The following RIF1 variants were observed in gnomAD, a reference collection of about 807,000 sequenced individuals.
The protein encoded by RIF1 is telomere-associated protein RIF1.
RIF1 carries 45 observed loss-of-function variants against 247.1 expected under a neutral mutation model. The ratio of observed to expected loss-of-function variants is 0.18; its 90% CI spans 0.14 to 0.23. The LOEUF is 0.23. RIF1 is among the 10% of genes least tolerant of loss of function. The pLI, the probability that RIF1 is intolerant of heterozygous loss-of-function variation, is 1.00. For synonymous variants in RIF1, 1,087 were observed against 978.8 expected (o/e 1.11, Z -2.06); for missense variants, 2,967 against 2,862.5 (o/e 1.04, Z -0.83).
At position 151,479,722 on chromosome 2, in the gene RIF1, T is replaced by C. The variant is rs548749168; in HGVS notation, c.*4651T>C. The stretch of plus-strand genomic sequence containing the variant: ...ATATGATTCTCGAAAAGTGAGTTTT[T>C]CTTGGAATTCTGTTAAGGTGTTAGA... On this transcript the variant is annotated 3_prime_UTR_variant, in exon 36 of 36. Coordinates refer to ENST00000444746, the MANE Select transcript of RIF1 (RefSeq NM_018151.5). 5.9e-5 allele frequency: 9 copies of C among 152,324 alleles called. No homozygotes were observed. The highest frequency in any genetic ancestry group is 2.2e-4 in the African/African-American group (9 of 41,572). The allele number at this position is 152,324 out of a possible 1,614,324, so 9.4% of individuals were successfully genotyped here. A position where few individuals can be genotyped will look rare whatever the true frequency, so the allele number is the denominator to read the frequency against.
rs144292917 is a variant in RIF1, at chr2:151,463,880, A to G, written c.4360A>G (p.Ser1454Gly). The G allele has an allele frequency of 6.2e-7, 1 of 1,613,320 alleles. No homozygotes were observed. The highest frequency in any genetic ancestry group is 8.5e-7 in the Non-Finnish European group (1 of 1,179,898). ...GGAAGAAGAAAAACCTCTTCAGAAG[A>G]GTCCATTGCATATAAAAGATGATGT... ...RKEEEKPLQK[S>G]PLHIKDDVLP... The change falls in exon 30 of 36, where the codon AGT becomes GGT. Residue 1454 changes from serine to glycine, a missense_variant. This residue lies in a region of RIF1 where 2,028 missense variants were observed against 1,825.6 expected (regional missense o/e 1.11). Coordinates refer to ENST00000444746, the MANE Select transcript of RIF1 (RefSeq NM_018151.5).
At chr2:151,523,146 T>A in the RIF1 span, among the ~76,000 whole-genome samples, 1 of 152,248 alleles carries the variant, frequency 6.6e-6, no homozygotes, top group Non-Finnish European at 1.5e-5. Context: ...AAGTTCTTGT[T>A]ACATCTCATT....
downstream of RIF1, among the ~76,000 whole-genome samples, chr2:151,508,992 C>T (rs1453077962): frequency 6.6e-6 from 1 of 152,212 alleles, no homozygotes; most frequent in Non-Finnish European, 1.5e-5. Context: ...AACTTAGCTC[C>T]AGTTTTTCCC....
At chr2:151,516,873 G>T in the RIF1 span, among the ~76,000 whole-genome samples, 3 of 152,148 alleles carry the variant, frequency 2.0e-5, no homozygotes, top group South Asian at 6.2e-4. Context: ...AAATTACCCA[G>T]GTAGATGAGG....
intron 34 of RIF1, among the ~76,000 whole-genome samples, chr2:151,471,231 TTTGAGG>T (rs1697759020): frequency 6.6e-6 from 1 of 152,126 alleles, no homozygotes; most frequent in Non-Finnish European, 1.5e-5. Context: ...AAATTTCCGT[TTTGAGG>T]TTGAATAATT....
chr2:151,506,881 T>G, intron 13 of RIF1: 1 of 1,440,124 alleles, frequency 6.9e-7, no homozygotes, highest in Admixed American at 1.7e-5. Context: ...TAGGTTAGCA[T>G]TAAATGCAAA....
At chr2:151,493,504 A>C in intron 9 of RIF1, 1 of 1,128,850 alleles carries the variant, frequency 8.9e-7, no homozygotes, top group Non-Finnish European at 1.3e-6. Flanking sequence ...TCTGAAAATC[A>C]TCACTTAGCT....
At chr2:151,447,000 G>T (rs1446655258) in intron 20 of RIF1, among the ~76,000 whole-genome samples, 1 of 146,734 alleles carries the variant, frequency 6.8e-6, no homozygotes, top group Non-Finnish European at 1.5e-5. Context: ...CTGGAGTGCA[G>T]TGGCGCGATC....
At chr2:151,527,912 T>G in the RIF1 span, among the ~76,000 whole-genome samples, 1 of 152,244 alleles carries the variant, frequency 6.6e-6, no homozygotes, top group Admixed American at 6.5e-5. Context: ...AATTCGGGTT[T>G]AATTTTTACC....
chr2:151,481,750 C>T lies in RIF1; in HGVS notation c.*6679C>T, dbSNP rs372312662. 1.3e-5 allele frequency: 2 copies of T among 152,180 alleles called. No homozygotes were observed. Among genetic ancestry groups the T allele is most frequent in the South Asian group, 2.1e-4 (1 of 4,834 alleles). 9.4% of individuals were successfully genotyped at this position (152,180 alleles called of 1,614,324 possible). On this transcript the variant is annotated 3_prime_UTR_variant, in exon 36 of 36. Transcript: ENST00000444746. ...TGCTTTATACTAGGGGTCTCAAACCCCTGGGTGGCATTAGATTCTTACAGG... is the reference window on the plus strand; with the variant it reads ...TGCTTTATACTAGGGGTCTCAAACCTCTGGGTGGCATTAGATTCTTACAGG...
intron 14 of RIF1, among the ~76,000 whole-genome samples, chr2:151,439,818 T>G (rs1369469808): frequency 1.4e-5 from 2 of 147,166 alleles, no homozygotes; most frequent in African/African-American, 2.5e-5. Flanking sequence ...ACTAAAAATA[T>G]GAAAATCAGC....
At chr2:151,505,443 G>A (rs1261776514) in intron 12 of RIF1, 1 of 1,556,982 alleles carries the variant, frequency 6.4e-7, no homozygotes, top group Non-Finnish European at 8.9e-7. Context: ...GAGATGGCCA[G>A]TCACACAAAT....
chr2:151,446,786 C>T (rs978361194), intron 20 of RIF1, among the ~76,000 whole-genome samples: 2 of 152,030 alleles, frequency 1.3e-5, no homozygotes, highest in Non-Finnish European at 2.9e-5. Flanking sequence ...AGATCTTTTA[C>T]TATACTGTGT....
chr2:151,511,558 G>A (rs141925007), downstream of RIF1, among the ~76,000 whole-genome samples: 349 of 152,242 alleles, frequency 2.3e-3, 8 homozygotes, highest in East Asian at 0.045. Flanking sequence ...ACATCCCCAG[G>A]TGCCTATAAA....
rs1559002529 is a variant in RIF1, at chr2:151,458,225, G to GTT, written c.2855+262_2855+263insTT. ...GAGACAAGGAGGACAGGAAATAGAT[G>GTT]ATTTTTTTTTTTTTTTTTTTTTTTT... On this transcript the variant is annotated intron_variant, in intron 24 of 35. Transcript: ENST00000444746. 2.6e-4 allele frequency among the ~76,000 whole-genome samples: 30 copies of GTT among 115,218 alleles called. 1 individual carries two copies. Among genetic ancestry groups the GTT allele is most frequent in the African/African-American group, 8.9e-4 (30 of 33,560 alleles). 75.6% of individuals were successfully genotyped at this position (115,218 alleles called of 152,430 possible).
chr2:151,432,111 C>T (rs1185977272), intron 9 of RIF1, among the ~76,000 whole-genome samples: 2 of 152,038 alleles, frequency 1.3e-5, no homozygotes, highest in Non-Finnish European at 2.9e-5. Context: ...TGGGTCCAAG[C>T]GAGTCTCCTG....
At position 151,474,990 on chromosome 2, in the gene RIF1, G is replaced by A; in HGVS notation, c.7338G>A (p.Glu2446=). 1 of 1,613,610 alleles carries A rather than the reference G, an allele frequency of 6.2e-7. No homozygotes were observed. The highest frequency in any genetic ancestry group is 2.2e-5 in the East Asian group (1 of 44,818). Residue 2446 remains glutamate (E), a synonymous_variant, in exon 36 of 36, where the codon GAG becomes GAA. Coordinates refer to ENST00000444746, the MANE Select transcript of RIF1 (RefSeq NM_018151.5). The part of the protein sequence containing the change: ...YSGSQLFEMH[E]KLSCMANSVI... Reference sequence around the variant, plus strand: ...GAAGCCAACTATTTGAAATGCACGAGAAACTAAGTTGTATGGCAAACTCTG... The same window carrying A: ...GAAGCCAACTATTTGAAATGCACGAAAAACTAAGTTGTATGGCAAACTCTG...
chr2:151,498,577 G>GTTAT (rs1553557792), intron 10 of RIF1, among the ~76,000 whole-genome samples: 1 of 152,102 alleles, frequency 6.6e-6, no homozygotes, highest in Non-Finnish European at 1.5e-5. Flanking sequence ...AAGAAAGGTT[G>GTTAT]TTATTTTCAT....
chr2:151,519,041 A>G, the RIF1 span: 1 of 1,613,430 alleles, frequency 6.2e-7, no homozygotes. Context: ...GGGTTTGTGA[A>G]GTTTCTTCAG....
Sources: allele counts gnomAD v4.1 joint callset (sites outside exome capture counted in the v4.1 genomes callset), GRCh38; gene constraint gnomAD v4.1.1; regional missense constraint gnomAD v4.1.1; transcripts MANE v1.5; gene names NCBI Gene and HGNC (gene_info 2026-07-23, HGNC 2026-07-21).